OR10G4: variants seen among roughly 807,000 people sequenced by gnomAD.
The protein encoded by OR10G4 is olfactory receptor family 10 subfamily G member 4.
For missense variants in OR10G4, 318 were observed against 388.8 expected (o/e 0.82, Z 1.53); for synonymous variants, 130 against 159.3 (o/e 0.82, Z 1.39).
chr11:124,016,099 C>G lies in OR10G4; in HGVS notation c.525C>G (p.His175Gln). ...LPYCGPNQIQ[H>Q]YFCDAPPILK... Reference sequence around the variant, plus strand: ...ACTGTGGACCCAACCAGATCCAGCACTACTTCTGTGACGCACCGCCCATCC... The same window carrying G: ...ACTGTGGACCCAACCAGATCCAGCAGTACTTCTGTGACGCACCGCCCATCC... Residue 175 changes from histidine to glutamine, a missense_variant, in exon 2 of 2, where the codon CAC becomes CAG. Transcript: ENST00000641722. The G allele has an allele frequency of 5.6e-6, 9 of 1,613,948 alleles. No homozygotes were observed. Among genetic ancestry groups the G allele is most frequent in the Non-Finnish European group, 7.6e-6 (9 of 1,179,880 alleles).
Position 124,016,484 on chromosome 11 carries a change from A to G in OR10G4, c.910A>G (p.Lys304Glu). The G allele has an allele frequency of 6.3e-7, 1 of 1,598,860 alleles. No individual in the cohort carries two copies. The highest frequency in any genetic ancestry group is 2.2e-5 in the East Asian group (1 of 44,726). The change falls in exon 2 of 2, where the codon AAA becomes GAA. Residue 304 changes from lysine (K) to glutamate (E), a missense_variant. Coordinates refer to ENST00000641722, the MANE Select transcript of OR10G4 (RefSeq NM_001004462.2). ...VKKAVLKLRD[K>E]VAHPQRK ...GAAAGCTGTGTTGAAACTTAGAGAC[A>G]AAGTAGCACATCCTCAGAGGAAATA...
chr11:124,017,583 A>T lies in OR10G4; in HGVS notation c.*1073A>T, dbSNP rs1864032068. On this transcript the variant is annotated 3_prime_UTR_variant, in exon 2 of 2. Transcript: ENST00000641722. Reference sequence around the variant, plus strand: ...AAGACCACGACAATAGAAATAAAATATTTTCAGATAAATATAAAATTTGCT... The same window carrying T: ...AAGACCACGACAATAGAAATAAAATTTTTTCAGATAAATATAAAATTTGCT... The T allele has an allele frequency of 6.6e-6, 1 of 152,218 alleles. No homozygotes were observed. Among genetic ancestry groups the T allele is most frequent in the African/African-American group, 2.4e-5 (1 of 41,456 alleles). 9.4% of individuals were successfully genotyped at this position (152,218 alleles called of 1,614,324 possible).
rs774583054 is a variant in OR10G4 at position 124,015,673 on chromosome 11, C to T, written c.99C>T (p.Tyr33=). The change falls in exon 2 of 2, where the codon TAC becomes TAT. Residue 33 remains tyrosine, a synonymous_variant. Coordinates refer to ENST00000641722, the MANE Select transcript of OR10G4 (RefSeq NM_001004462.2). The stretch of plus-strand genomic sequence containing the variant: ...TCTTTGGAATCTTCCTGGTGGTTTA[C>T]GTGCTCACTGTGCTGGGGAACCTCC... ...ALLFGIFLVV[Y]VLTVLGNLLI... The T allele has an allele frequency of 8.7e-6, 14 of 1,609,750 alleles. No individual in the cohort carries two copies. Among genetic ancestry groups the T allele is most frequent in the African/African-American group, 5.3e-5 (4 of 74,880 alleles).
rs964852718 is a variant in OR10G4 at position 124,016,718 on chromosome 11, T to G, written c.*208T>G. On this transcript the variant is annotated 3_prime_UTR_variant, in exon 2 of 2. Transcript: ENST00000641722. ...TGAACATGATTATATTCTGAATTAT[T>G]GACTCATTTCTCATCAATAGGTTTA... 3 of 423,894 alleles carry G rather than the reference T, an allele frequency of 7.1e-6. No individual in the cohort carries two copies. The highest frequency in any genetic ancestry group is 3.9e-5 in the Admixed American group (1 of 25,518). The allele number at this position is 423,894 out of a possible 1,614,324, so 26.3% of individuals were successfully genotyped here.
chr11:124,016,457 A>C lies in OR10G4; in HGVS notation c.883A>C (p.Lys295Gln), dbSNP rs4936881. ...VVYTLRNKEV[K>Q]KAVLKLRDKV... ...GTACACCCTGAGAAACAAGGAGGTG[A>C]AGAAAGCTGTGTTGAAACTTAGAGA... The change falls in exon 2 of 2, where the codon AAG (lysine) becomes CAG (glutamine). Residue 295 changes from lysine to glutamine, a missense_variant. Transcript: ENST00000641722. 0.45 allele frequency: 727,860 copies of C among 1,609,606 alleles called. 165,237 individuals are homozygous for C. Among genetic ancestry groups the C allele is most frequent in the Middle Eastern group, 0.55 (3,338 of 6,044 alleles).
At position 124,017,435 on chromosome 11, in the gene OR10G4, C is replaced by T. The variant is rs1003377363; in HGVS notation, c.*925C>T. On this transcript the variant is annotated 3_prime_UTR_variant, in exon 2 of 2. Transcript: ENST00000641722. Reference sequence around the variant, plus strand: ...GCACTGGCGTCTATTGGCTATAGGTCAGGAGTGTTAAACATTCCACAATGC... The same window carrying T: ...GCACTGGCGTCTATTGGCTATAGGTTAGGAGTGTTAAACATTCCACAATGC... The T allele has an allele frequency of 2.6e-5, 4 of 152,192 alleles. No homozygotes were observed. The highest frequency in any genetic ancestry group is 5.9e-5 in the Non-Finnish European group (4 of 68,050). The allele number at this position is 152,192 out of a possible 1,614,324, so 9.4% of individuals were successfully genotyped here.
In OR10G4 at chr11:124,016,642, C is replaced by T. The variant is rs193083158; in HGVS notation, c.*132C>T. ...AACACCTGCACAGTTATAATTCTTCCACAGATTGTCTAAGACAGTTTTAAC... is the reference window on the plus strand; with the variant it reads ...AACACCTGCACAGTTATAATTCTTCTACAGATTGTCTAAGACAGTTTTAAC... On this transcript the variant is annotated 3_prime_UTR_variant, in exon 2 of 2. Transcript: ENST00000641722. The T allele has an allele frequency of 3.0e-5, 18 of 596,746 alleles. No individual in the cohort carries two copies. The African/African-American group carries it at 3.3e-4, about 11-fold the overall frequency. 37.0% of individuals were successfully genotyped at this position (596,746 alleles called of 1,614,324 possible).
rs1322312652 is a variant in OR10G4, at chr11:124,016,723, C to T, written c.*213C>T. ...ATGATTATATTCTGAATTATTGACTCATTTCTCATCAATAGGTTTATATTA... is the reference window on the plus strand; with the variant it reads ...ATGATTATATTCTGAATTATTGACTTATTTCTCATCAATAGGTTTATATTA... On this transcript the variant is annotated 3_prime_UTR_variant, in exon 2 of 2. Coordinates refer to ENST00000641722, the MANE Select transcript of OR10G4 (RefSeq NM_001004462.2). 1 of 406,970 alleles carries T rather than the reference C, an allele frequency of 2.5e-6. No individual in the cohort carries two copies. The highest frequency in any genetic ancestry group is 4.0e-5 in the Admixed American group (1 of 25,154). The allele number at this position is 406,970 out of a possible 1,614,324, so 25.2% of individuals were successfully genotyped here. A position where few individuals can be genotyped will look rare whatever the true frequency, so the allele number is the denominator to read the frequency against.
In OR10G4 at chr11:124,015,989, A is replaced by G. The variant is rs1200533207; in HGVS notation, c.415A>G (p.Arg139Gly). The change falls in exon 2 of 2, where the codon AGG (arginine) becomes GGG (glycine). Residue 139 changes from arginine (R) to glycine (G), a missense_variant. Coordinates refer to ENST00000641722, the MANE Select transcript of OR10G4 (RefSeq NM_001004462.2). ...LRYTSMMSGS[R>G]CALLATGTWL... ...GTACACCAGCATGATGAGTGGGAGCAGGTGTGCCCTCCTGGCCACCGGCAC... is the reference window on the plus strand; with the variant it reads ...GTACACCAGCATGATGAGTGGGAGCGGGTGTGCCCTCCTGGCCACCGGCAC... The G allele has an allele frequency of 3.1e-6, 5 of 1,613,946 alleles. No individual in the cohort carries two copies. The highest frequency in any genetic ancestry group is 4.2e-6 in the Non-Finnish European group (5 of 1,179,960).
rs1864014693 is a variant in OR10G4, at chr11:124,016,008, C to G, written c.434C>G (p.Thr145Ser). 6 of 1,613,958 alleles carry G rather than the reference C, an allele frequency of 3.7e-6. No individual in the cohort carries two copies. In the East Asian group the frequency reaches 1.3e-4, roughly 36 times the overall value. ...MSGSRCALLA[T>S]GTWLSGSLHS... ...GGGAGCAGGTGTGCCCTCCTGGCCA[C>G]CGGCACTTGGCTCAGTGGCTCTCTG... Residue 145 changes from threonine to serine, a missense_variant, in exon 2 of 2, where the codon ACC becomes AGC. By Grantham distance (58) the Thr-to-Ser change is moderately conservative. Coordinates refer to ENST00000641722, the MANE Select transcript of OR10G4 (RefSeq NM_001004462.2).
chr11:124,017,374 C>G lies in OR10G4; in HGVS notation c.*864C>G, dbSNP rs1864030123. ...TGGGGCTGTTTTGTCTCCTAGTTCA[C>G]TTGGCAATGTCTGGAAATATTCTTG... On this transcript the variant is annotated 3_prime_UTR_variant, in exon 2 of 2. Coordinates refer to ENST00000641722, the MANE Select transcript of OR10G4 (RefSeq NM_001004462.2). 6.6e-6 allele frequency: 1 copy of G among 152,182 alleles called. No homozygotes were observed. The highest frequency in any genetic ancestry group is 2.4e-5 in the African/African-American group (1 of 41,450). The allele number at this position is 152,182 out of a possible 1,614,324, so 9.4% of individuals were successfully genotyped here. A position where few individuals can be genotyped will look rare whatever the true frequency, so the allele number is the denominator to read the frequency against.
chr11:124,013,831 T>A (rs1486043774), intron 1 of OR10G4, among the ~76,000 whole-genome samples: 1 of 152,190 alleles, frequency 6.6e-6, no homozygotes, highest in Non-Finnish European at 1.5e-5. Flanking sequence ...CTGTCTTAGG[T>A]GGCAGGTATT....
In OR10G4 at chr11:124,017,743, G is replaced by A. The variant is rs1003442578; in HGVS notation, c.*1233G>A. 1 of 152,136 alleles carries A rather than the reference G, an allele frequency of 6.6e-6. No individual in the cohort carries two copies. The allele number at this position is 152,136 out of a possible 1,614,324, so 9.4% of individuals were successfully genotyped here. ...TTGATTTTGCAGCTATGGACATGTG[G>A]ATCTTAAAGTGCGGATTGAAATGGA... is the stretch of plus-strand genomic sequence containing the variant. On this transcript the variant is annotated 3_prime_UTR_variant, in exon 2 of 2. Coordinates refer to ENST00000641722, the MANE Select transcript of OR10G4 (RefSeq NM_001004462.2).
chr11:124,016,234 C>T lies in OR10G4; in HGVS notation c.660C>T (p.Ile220=), dbSNP rs1338777128. 2 of 1,614,220 alleles carry T rather than the reference C, an allele frequency of 1.2e-6. No homozygotes were observed. The highest frequency in any genetic ancestry group is 2.2e-5 in the East Asian group (1 of 44,870). Residue 220 remains isoleucine (I), a synonymous_variant, in exon 2 of 2, where the codon ATC becomes ATT. Coordinates refer to ENST00000641722, the MANE Select transcript of OR10G4 (RefSeq NM_001004462.2). ...TGATAGTGCTGTCCTATGTGTCCAT[C>T]GTCTGTTCCATCCTGCGGATCCGCA... ...FVLIVLSYVS[I]VCSILRIRTS...
chr11:124,017,715 C>T lies in OR10G4; in HGVS notation c.*1205C>T, dbSNP rs1263158026. ...GATGCTATTCCAAGTAAAATCCCAG[C>T]GTTTGATTTTGCAGCTATGGACATG... On this transcript the variant is annotated 3_prime_UTR_variant, in exon 2 of 2. Transcript: ENST00000641722. The T allele has an allele frequency of 6.6e-6, 1 of 152,052 alleles. No homozygotes were observed. Among genetic ancestry groups the T allele is most frequent in the Non-Finnish European group, 1.5e-5 (1 of 68,012 alleles). 9.4% of individuals were successfully genotyped at this position (152,052 alleles called of 1,614,324 possible).
intron 1 of OR10G4, among the ~76,000 whole-genome samples, chr11:124,014,281 G>C (rs2137552033): frequency 6.6e-6 from 1 of 152,272 alleles, no homozygotes; most frequent in African/African-American, 2.4e-5. Flanking sequence ...AGTCCACAAA[G>C]ACATAGCTCT....
rs1864032692 is a variant in OR10G4, at chr11:124,017,678, A to C, written c.*1168A>C. ...TAAAATGCCAATTCCATTCAAATTG[A>C]TCTATAGATTTGATGCTATTCCAAG... On this transcript the variant is annotated 3_prime_UTR_variant, in exon 2 of 2. Coordinates refer to ENST00000641722, the MANE Select transcript of OR10G4 (RefSeq NM_001004462.2). The C allele has an allele frequency of 6.6e-6, 1 of 152,226 alleles. No homozygotes were observed. The highest frequency in any genetic ancestry group is 2.4e-5 in the African/African-American group (1 of 41,468). The allele number at this position is 152,226 out of a possible 1,614,324, so 9.4% of individuals were successfully genotyped here.
chr11:124,016,848 A>C lies in OR10G4; in HGVS notation c.*338A>C, dbSNP rs772678188. On this transcript the variant is annotated 3_prime_UTR_variant, in exon 2 of 2. Coordinates refer to ENST00000641722, the MANE Select transcript of OR10G4 (RefSeq NM_001004462.2). Reference sequence around the variant, plus strand: ...GTGTTTTGTTTGATTTCATATACACATAAACTTAAGAATTTACCATCATGG... The same window carrying C: ...GTGTTTTGTTTGATTTCATATACACCTAAACTTAAGAATTTACCATCATGG... 8 of 171,598 alleles carry C rather than the reference A, an allele frequency of 4.7e-5. No homozygotes were observed. The highest frequency in any genetic ancestry group is 7.4e-5 in the Non-Finnish European group (6 of 80,788). 10.6% of individuals were successfully genotyped at this position (171,598 alleles called of 1,614,324 possible). A position where few individuals can be genotyped will look rare whatever the true frequency, so the allele number is the denominator to read the frequency against.
In OR10G4 at chr11:124,016,033, G is replaced by A. The variant is rs561904511; in HGVS notation, c.459G>A (p.Leu153=). ...LATGTWLSGS[L]HSAVQTILTF... ...CCGGCACTTGGCTCAGTGGCTCTCT[G>A]CACTCTGCTGTCCAGACCATATTGA... Residue 153 remains leucine (L), a synonymous_variant, in exon 2 of 2, where the codon CTG becomes CTA. Transcript: ENST00000641722. The A allele has an allele frequency of 2.3e-5, 37 of 1,613,912 alleles. No homozygotes were observed. In the South Asian group the frequency reaches 4.1e-4, roughly 18 times the overall value.
Sources: gnomAD v4.1 joint callset for allele counts (sites outside exome capture counted in the v4.1 genomes callset) on GRCh38, gnomAD v4.1.1 for gene constraint, MANE v1.5 for transcripts, NCBI Gene and HGNC (gene_info 2026-07-23, HGNC 2026-07-21) for gene names.